The following SLC22A23 variants were observed in gnomAD, a reference collection of about 807,000 sequenced individuals.
The protein encoded by SLC22A23 is solute carrier family 22 member 23.
A neutral mutation model predicts 61.0 loss-of-function variants in SLC22A23; 26 were observed. The ratio of observed to expected loss-of-function variants is 0.43; its 90% CI spans 0.31 to 0.59. The LOEUF (loss-of-function observed/expected upper bound fraction) is 0.59, where lower values mean the gene tolerates loss of function less well. Among genes scored for constraint, SLC22A23 ranks in the 20% least tolerant of loss-of-function variants. The pLI, the probability that SLC22A23 is intolerant of heterozygous loss-of-function variation, is 0.11. For missense variants in SLC22A23, 796 were observed against 934.7 expected, an observed-to-expected ratio of 0.85 and a Z score of 1.94; for synonymous variants, 430 against 413.9, an observed-to-expected ratio of 1.04 and a Z score of -0.47.
chr6:3,385,662 G>T (rs889773222), intron 3 of SLC22A23, among the ~76,000 whole-genome samples: 3 of 152,212 alleles, frequency 2.0e-5, no homozygotes, highest in Non-Finnish European at 2.9e-5. Flanking sequence ...CCTACTGTTG[G>T]AGCTAATTGT....
At chr6:3,282,994 G>C (rs1759614033) in intron 9 of SLC22A23, among the ~76,000 whole-genome samples, 1 of 152,196 alleles carries the variant, frequency 6.6e-6, no homozygotes, top group African/African-American at 2.4e-5. Context: ...GACTCCACGA[G>C]GGCGGGACTG....
At chr6:3,366,055 G>A (rs138027543) in intron 3 of SLC22A23, among the ~76,000 whole-genome samples, 5 of 152,228 alleles carry the variant, frequency 3.3e-5, no homozygotes, top group Non-Finnish European at 7.4e-5. Context: ...GTATGGCTGG[G>A]CGCGGTGGCT....
chr6:3,406,814 T>C (rs1413063559), intron 3 of SLC22A23, among the ~76,000 whole-genome samples: 5 of 151,890 alleles, frequency 3.3e-5, no homozygotes, highest in African/African-American at 7.3e-5. Context: ...GAAACAAACA[T>C]GTAAAGTGTA....
At position 3,414,721 on chromosome 6, in the gene SLC22A23, C is replaced by CAAAAAAAAAAA. The variant is rs60880355; in HGVS notation, c.758+1020_758+1030dup. Among the ~76,000 whole-genome samples the CAAAAAAAAAAA allele has an allele frequency of 1.1e-5, 1 of 89,540 alleles. No individual in the cohort carries two copies. 58.7% of individuals were successfully genotyped at this position (89,540 alleles called of 152,430 possible). On this transcript the variant is annotated intron_variant, in intron 2 of 9. Coordinates refer to ENST00000406686, the MANE Select transcript of SLC22A23 (RefSeq NM_015482.2). This position sits in a 1 kb window ranked among gnomAD's most constrained non-coding sequence, Gnocchi z 5.1. The stretch of plus-strand genomic sequence containing the variant: ...TCAAGGCCAAGATGTCTCGATTCAC[C>CAAAAAAAAAAA]AAAAAAAAAAAAAAAAAAAAAAATC...
At chr6:3,349,246 A>G (rs1581728955) in intron 3 of SLC22A23, among the ~76,000 whole-genome samples, 2 of 152,310 alleles carry the variant, frequency 1.3e-5, no homozygotes, top group East Asian at 3.9e-4. Context: ...GCAGCTCAGC[A>G]CTGAGCTGGG....
rs1476409575 is a variant in SLC22A23, at chr6:3,410,411, C to T, written c.759-69G>A. On this transcript the variant is annotated intron_variant, in intron 2 of 9. Transcript: ENST00000406686. The surrounding 1 kb of genome is among the most constrained non-coding windows in gnomAD (Gnocchi z 5.0). ...GACAATGACGCTAGATGCTGAAACCCGGTGTCCAGCAGGCACTCAATATAT... is the reference window on the plus strand; with the variant it reads ...GACAATGACGCTAGATGCTGAAACCTGGTGTCCAGCAGGCACTCAATATAT... 1.0e-5 allele frequency: 15 copies of T among 1,480,304 alleles called. No homozygotes were observed. The highest frequency in any genetic ancestry group is 4.0e-4 in the Middle Eastern group (2 of 4,968). The allele number at this position is 1,480,304 out of a possible 1,614,324, so 91.7% of individuals were successfully genotyped here.
chr6:3,400,905 G>C (rs1345939789), intron 3 of SLC22A23, among the ~76,000 whole-genome samples: 1 of 152,224 alleles, frequency 6.6e-6, no homozygotes, highest in African/African-American at 2.4e-5. Flanking sequence ...CATGTTTCAG[G>C]TGACTTTAAG....
At chr6:3,358,702 T>C (rs1448488822) in intron 3 of SLC22A23, among the ~76,000 whole-genome samples, 2 of 152,060 alleles carry the variant, frequency 1.3e-5, no homozygotes, top group Non-Finnish European at 1.5e-5. Context: ...AAAAAACCTG[T>C]TAAGAGGGTG....
chr6:3,425,310 G>GTTT (rs1770418661), intron 1 of SLC22A23, among the ~76,000 whole-genome samples: 1 of 109,390 alleles, frequency 9.1e-6, no homozygotes. Flanking sequence ...TTTTTGAGAT[G>GTTT]GAGTCTCACT....
intron 3 of SLC22A23, among the ~76,000 whole-genome samples, chr6:3,394,285 T>TC (rs1318168622): frequency 7.9e-5 from 12 of 152,082 alleles, no homozygotes; most frequent in Non-Finnish European, 4.4e-5. Context: ...CATCAGATAC[T>TC]CCCCCAGCAA....
chr6:3,385,630 T>A (rs749196925), intron 3 of SLC22A23, among the ~76,000 whole-genome samples: 1 of 152,234 alleles, frequency 6.6e-6, no homozygotes, highest in Non-Finnish European at 1.5e-5. Flanking sequence ...ACTGACAAGT[T>A]TACTAAAAAT....
At chr6:3,289,629 C>G (rs914814881) in intron 6 of SLC22A23, 135 bp downstream of exon 6, 1 of 703,942 alleles carries the variant, frequency 1.4e-6, no homozygotes, top group African/African-American at 1.8e-5. Flanking sequence ...TCTTCTAGCC[C>G]GTGTCACTCT....
chr6:3,428,077 C>T (rs1357735063), intron 1 of SLC22A23, among the ~76,000 whole-genome samples: 1 of 152,216 alleles, frequency 6.6e-6, no homozygotes, highest in Non-Finnish European at 1.5e-5. Context: ...GGATCACTAC[C>T]CTGAGAACTC....
rs1765534910 is a variant in SLC22A23, at chr6:3,362,435, A to AAAAC, written c.914-38434_914-38433insGTTT. 1.8e-5 allele frequency among the ~76,000 whole-genome samples: 2 copies of AAAAC among 113,536 alleles called. 1 individual carries two copies. The highest frequency in any genetic ancestry group is 3.7e-5 in the Non-Finnish European group (2 of 54,728). The allele number at this position is 113,536 out of a possible 152,430, so 74.5% of individuals were successfully genotyped here. ...AAAAAAATAAAATAAAAAATAAAAA[A>AAAAC]TAAAAATTAGCATGCATTTTCATCA... On this transcript the variant is annotated intron_variant, in intron 3 of 9. Transcript: ENST00000406686.
chr6:3,408,101 A>G (rs529322374), intron 3 of SLC22A23, among the ~76,000 whole-genome samples: 5 of 152,334 alleles, frequency 3.3e-5, no homozygotes, highest in African/African-American at 9.6e-5. Context: ...TCAGGCTACA[A>G]TGGCAGAGTT....
chr6:3,375,425 T>C (rs746369046), intron 3 of SLC22A23, among the ~76,000 whole-genome samples: 3 of 152,230 alleles, frequency 2.0e-5, no homozygotes, highest in Non-Finnish European at 4.4e-5. Context: ...TTCAATATAT[T>C]CAGCACAGTT....
chr6:3,404,078 A>T (rs1217029274), intron 3 of SLC22A23, among the ~76,000 whole-genome samples: 1 of 152,228 alleles, frequency 6.6e-6, no homozygotes, highest in East Asian at 1.9e-4. Context: ...CAGTCTGGAA[A>T]AAACCTAGTC....
intron 1 of SLC22A23, among the ~76,000 whole-genome samples, chr6:3,452,701 T>G (rs577964349): frequency 4.4e-4 from 66 of 151,004 alleles, no homozygotes; most frequent in Non-Finnish European, 6.5e-4. Context: ...TGAAATGTTT[T>G]ATAAACTATA....
intron 3 of SLC22A23, among the ~76,000 whole-genome samples, chr6:3,349,042 C>T (rs1396487659): frequency 6.6e-6 from 1 of 152,242 alleles, no homozygotes; most frequent in Admixed American, 6.5e-5. Context: ...CACAAAGCCT[C>T]CCCTGAGCAG....
Sources: allele counts gnomAD v4.1 joint callset (sites outside exome capture counted in the v4.1 genomes callset), GRCh38; gene constraint gnomAD v4.1.1; non-coding constraint Gnocchi (gnomAD v3.1); transcripts MANE v1.5; gene names NCBI Gene and HGNC (gene_info 2026-07-23, HGNC 2026-07-21).